Variants in ZKSCAN5 observed in about 807,000 individuals in gnomAD.
ZKSCAN5 encodes zinc finger protein with KRAB and SCAN domains 5.
ZKSCAN5 carries 28 observed loss-of-function variants against 60.0 expected under a neutral mutation model. The observed-to-expected ratio is 0.47, with a 90% CI of 0.35 to 0.64. The LOEUF (loss-of-function observed/expected upper bound fraction) is 0.64, where lower values mean the gene tolerates loss of function less well. Among genes scored for constraint, ZKSCAN5 ranks in the 30% least tolerant of loss-of-function variants. The pLI, the probability that ZKSCAN5 is intolerant of heterozygous loss-of-function variation, is 0.01. For synonymous variants in ZKSCAN5, 361 were observed against 371.2 expected (o/e 0.97, Z 0.31); for missense variants, 881 against 1,034.6 (o/e 0.85, Z 2.04).
chr7:99,506,605 C>A, intron 2 of ZKSCAN5, 147 bp downstream of exon 2: 1 of 873,294 alleles, frequency 1.1e-6, no homozygotes, highest in Non-Finnish European at 1.7e-6. Context: ...GCCACTCCAG[C>A]AAAGAGAAGC....
At chr7:99,507,297 T>G (rs1270434471) in intron 2 of ZKSCAN5, among the ~76,000 whole-genome samples, 2 of 152,144 alleles carry the variant, frequency 1.3e-5, no homozygotes, top group African/African-American at 4.8e-5. Flanking sequence ...TATTAACTTT[T>G]ATGGAAGGAG....
intron 6 of ZKSCAN5, among the ~76,000 whole-genome samples, chr7:99,528,119 CTT>C (rs869150553): frequency 3.2e-4 from 39 of 121,172 alleles, no homozygotes; most frequent in Admixed American, 4.2e-4. Context: ...AAATGTTTTT[CTT>C]TTTTTTTTTT....
intron 6 of ZKSCAN5, among the ~76,000 whole-genome samples, chr7:99,528,654 T>A (rs1165607168): frequency 6.6e-6 from 1 of 152,190 alleles, no homozygotes; most frequent in Non-Finnish European, 1.5e-5. Flanking sequence ...CTTGAACTTC[T>A]AGGCTTAAGC....
Position 99,531,232 on chromosome 7 carries a change from A to G in ZKSCAN5, c.1503A>G (p.Gly501=). ...ATGTTTCTCAAGTTCAAGATTTTGG[A>G]GAAGGCTGTGAGTTTCAAGGCAAGC... ...QRNVSQVQDF[G]EGCEFQGKLD... Residue 501 remains glycine (G), a synonymous_variant, in exon 7 of 7, where the codon GGA becomes GGG. Transcript: ENST00000326775. The G allele has an allele frequency of 6.2e-7, 1 of 1,614,188 alleles. No individual in the cohort carries two copies. The highest frequency in any genetic ancestry group is 8.5e-7 in the Non-Finnish European group (1 of 1,180,038).
chr7:99,530,693 T>C (rs1461515845), intron 6 of ZKSCAN5, among the ~76,000 whole-genome samples: 1 of 152,226 alleles, frequency 6.6e-6, no homozygotes, highest in Non-Finnish European at 1.5e-5. Flanking sequence ...CACATCCACC[T>C]CTGTTACTCC....
intron 6 of ZKSCAN5, among the ~76,000 whole-genome samples, chr7:99,528,425 C>CG (rs1801901908): frequency 6.6e-6 from 1 of 151,678 alleles, no homozygotes; most frequent in Non-Finnish European, 1.5e-5. Flanking sequence ...TTTTGTGGGG[C>CG]GGGGGCGTTT....
rs573506998 is a variant in ZKSCAN5, at chr7:99,515,406, C to CA, written c.553+2826dup. 6.6e-3 allele frequency among the ~76,000 whole-genome samples: 889 copies of CA among 135,178 alleles called. 10 individuals are homozygous for CA. The highest frequency in any genetic ancestry group is 0.018 in the African/African-American group (675 of 36,766). 88.7% of individuals were successfully genotyped at this position (135,178 alleles called of 152,430 possible). A position where few individuals can be genotyped will look rare whatever the true frequency, so the allele number is the denominator to read the frequency against. On this transcript the variant is annotated intron_variant, in intron 3 of 6. Transcript: ENST00000326775. ...TGGGCAACAGAGTGAGACTCTGTCT[C>CA]AAAAAAAAAAACAAAAACTGCTCAG...
At chr7:99,524,547 C>T (rs1395155307) in intron 5 of ZKSCAN5, among the ~76,000 whole-genome samples, 3 of 152,090 alleles carry the variant, frequency 2.0e-5, no homozygotes, top group African/African-American at 7.2e-5. Flanking sequence ...GAAGATTTGT[C>T]TCTGCAAACC....
In ZKSCAN5 at chr7:99,513,467, C is replaced by T. The variant is rs936084435; in HGVS notation, c.553+876C>T. On this transcript the variant is annotated intron_variant, in intron 3 of 6. Coordinates refer to ENST00000326775, the MANE Select transcript of ZKSCAN5 (RefSeq NM_145102.4). Reference sequence around the variant, plus strand: ...GGAGGGCAGTGGTGCGATCTTGGCTCACTGCAGCCTCTGCCTCCCAGGTTC... The same window carrying T: ...GGAGGGCAGTGGTGCGATCTTGGCTTACTGCAGCCTCTGCCTCCCAGGTTC... 3.9e-5 allele frequency among the ~76,000 whole-genome samples: 6 copies of T among 152,124 alleles called. No individual in the cohort carries two copies. The East Asian group carries it at 1.2e-3, about 30-fold the overall frequency.
chr7:99,505,980 A>G (rs1265393725), intron 1 of ZKSCAN5, 25 bp from the exon 2 acceptor site: 1 of 1,558,426 alleles, frequency 6.4e-7, no homozygotes, highest in Non-Finnish European at 8.7e-7. Flanking sequence ...GAAGATATTA[A>G]AGAGCAGAAA....
chr7:99,505,866 G>A, intron 1 of ZKSCAN5, 139 bp from the exon 2 acceptor site: 2 of 639,334 alleles, frequency 3.1e-6, no homozygotes, highest in South Asian at 4.4e-5. Context: ...AAATTACTTT[G>A]TTGAGTGGTC....
chr7:99,523,106 G>A (rs1307578362), intron 5 of ZKSCAN5, among the ~76,000 whole-genome samples: 1 of 140,696 alleles, frequency 7.1e-6, no homozygotes, highest in African/African-American at 2.6e-5. Flanking sequence ...GAAGGTTGCA[G>A]TGAGCTGAGA....
In ZKSCAN5 at chr7:99,526,315, C is replaced by T. The variant is rs771249104; in HGVS notation, c.1275C>T (p.Ser425=). Residue 425 remains serine, a synonymous_variant, in exon 6 of 7, where the codon AGC becomes AGT. Coordinates refer to ENST00000326775, the MANE Select transcript of ZKSCAN5 (RefSeq NM_145102.4). ...TGGTTCAGCACCACAGTGTCCACAG[C>T]GGAGAGAGGCCCTATGGCTGCAATG... ...SHLVQHHSVH[S]GERPYGCNEC... The T allele has an allele frequency of 1.1e-5, 17 of 1,611,300 alleles. No individual in the cohort carries two copies. Among genetic ancestry groups the T allele is most frequent in the South Asian group, 6.6e-5 (6 of 91,084 alleles).
intron 5 of ZKSCAN5, among the ~76,000 whole-genome samples, chr7:99,524,581 G>C (rs889012430): frequency 6.6e-6 from 1 of 152,176 alleles, no homozygotes; most frequent in African/African-American, 2.4e-5. Flanking sequence ...AGTGTTTTGA[G>C]TAAAGTATCT....
At chr7:99,529,344 T>C (rs1177599568) in intron 6 of ZKSCAN5, among the ~76,000 whole-genome samples, 1 of 152,130 alleles carries the variant, frequency 6.6e-6, no homozygotes, top group Non-Finnish European at 1.5e-5. Context: ...TTTTACCATG[T>C]TGGTCAGGCT....
At chr7:99,517,778 C>T (rs759325141) in intron 3 of ZKSCAN5, among the ~76,000 whole-genome samples, 3 of 151,350 alleles carry the variant, frequency 2.0e-5, no homozygotes, top group South Asian at 2.1e-4. Context: ...ACCTGGGAGG[C>T]GGAGGTTGCA....
intron 3 of ZKSCAN5, among the ~76,000 whole-genome samples, chr7:99,515,879 G>T (rs1396403936): frequency 1.3e-5 from 2 of 151,808 alleles, no homozygotes; most frequent in South Asian, 4.1e-4. Context: ...TCCTCGAGAG[G>T]TTAAGTTGAT....
At chr7:99,510,733 T>C (rs1454322435) in intron 2 of ZKSCAN5, among the ~76,000 whole-genome samples, 1 of 151,994 alleles carries the variant, frequency 6.6e-6, no homozygotes, top group African/African-American at 2.4e-5. Flanking sequence ...CATGAGCCAC[T>C]GCGCCTGGCC....
Position 99,526,284 on chromosome 7 carries a change from C to G in ZKSCAN5, c.1244C>G (p.Ser415Cys), listed in dbSNP as rs1479515293. ...TGCGGAAAGGCTTTCCGGGTGAGTT[C>G]CCACCTGGTTCAGCACCACAGTGTC... ...QVCGKAFRVS[S>C]HLVQHHSVHS... The change falls in exon 6 of 7, where the codon TCC becomes TGC. Residue 415 changes from serine (S) to cysteine (C), a missense_variant. Around this residue, in one of 5 missense-constraint regions of ZKSCAN5, gnomAD observed 490 missense variants for 554.5 expected, o/e 0.88. Transcript: ENST00000326775. 1.2e-6 allele frequency: 2 copies of G among 1,613,274 alleles called. No homozygotes were observed. Among genetic ancestry groups the G allele is most frequent in the Non-Finnish European group, 1.7e-6 (2 of 1,179,998 alleles).
Sources: gnomAD v4.1 joint callset for allele counts (sites outside exome capture counted in the v4.1 genomes callset) on GRCh38, gnomAD v4.1.1 for gene constraint, gnomAD v4.1.1 regional missense constraint, MANE v1.5 for transcripts, NCBI Gene and HGNC (gene_info 2026-07-23, HGNC 2026-07-21) for gene names.